The following MAP4 variants were observed in gnomAD, a reference collection of about 807,000 sequenced individuals.
The protein encoded by MAP4 is microtubule associated protein 4.
Under a neutral mutation model 170.2 loss-of-function variants are expected in MAP4, and 76 were observed. The observed-to-expected ratio is 0.45, with a 90% confidence interval of 0.37 to 0.54. The LOEUF (loss-of-function observed/expected upper bound fraction) is 0.54, where lower values mean the gene tolerates loss of function less well. Among genes scored for constraint, MAP4 ranks in the 20% least tolerant of loss-of-function variants. The pLI is 0.00. For synonymous variants in MAP4, 909 were observed against 994.5 expected (o/e 0.91, Z 1.62); for missense variants, 2,506 against 2,748.0 (o/e 0.91, Z 1.97).
At chr3:47,973,301 G>GA in intron 3 of MAP4, 1 of 985,140 alleles carries the variant, frequency 1.0e-6, no homozygotes, top group Non-Finnish European at 1.2e-6. Context: ...GAAGGCATAT[G>GA]AAAATCATCA....
intron 1 of MAP4, among the ~76,000 whole-genome samples, chr3:48,021,923 T>C (rs1025254595): frequency 6.6e-6 from 1 of 152,146 alleles, no homozygotes; most frequent in Non-Finnish European, 1.5e-5. Flanking sequence ...AATGAAAACA[T>C]TGTGGTACCT....
chr3:48,042,090 G>T (rs1215189350), intron 1 of MAP4, among the ~76,000 whole-genome samples: 4 of 152,182 alleles, frequency 2.6e-5, no homozygotes, highest in African/African-American at 4.8e-5. Flanking sequence ...AGCTGCTCTA[G>T]CAAGTTAAGC....
intron 2 of MAP4, among the ~76,000 whole-genome samples, chr3:47,986,011 T>C (rs2100088429): frequency 6.6e-6 from 1 of 152,242 alleles, no homozygotes; most frequent in African/African-American, 2.4e-5. Context: ...GGGAAGGAAC[T>C]ATATGTAAAT....
chr3:48,058,960 A>G (rs1351680223), intron 1 of MAP4, among the ~76,000 whole-genome samples: 1 of 151,904 alleles, frequency 6.6e-6, no homozygotes, highest in East Asian at 1.9e-4. Flanking sequence ...TTGTATTTTT[A>G]GTAGAGATGG....
At chr3:48,044,765 C>T (rs1262235577) in intron 1 of MAP4, among the ~76,000 whole-genome samples, 1 of 150,886 alleles carries the variant, frequency 6.6e-6, no homozygotes, top group Non-Finnish European at 1.5e-5. Context: ...AGTGAGACTC[C>T]ATCTCAAAAA....
At chr3:47,890,320 CCTT>C (rs1319669387) in intron 10 of MAP4, among the ~76,000 whole-genome samples, 1 of 152,156 alleles carries the variant, frequency 6.6e-6, no homozygotes. Context: ...GCAAGTCTCT[CCTT>C]CTCTCCCTGC....
At chr3:48,050,713 C>A (rs1419756696) in intron 1 of MAP4, among the ~76,000 whole-genome samples, 1 of 151,718 alleles carries the variant, frequency 6.6e-6, no homozygotes, top group South Asian at 2.1e-4. Context: ...CGAGACCATC[C>A]TGGCCAACAT....
chr3:48,056,898 C>T (rs1474613011), intron 1 of MAP4, among the ~76,000 whole-genome samples: 45 of 140,036 alleles, frequency 3.2e-4, no homozygotes, highest in African/African-American at 1.2e-3. Flanking sequence ...GTGAGGGGCG[C>T]CTCTGCCCGG....
intron 1 of MAP4, among the ~76,000 whole-genome samples, chr3:48,060,102 CAACA>C (rs1306170189): frequency 5.9e-5 from 9 of 152,138 alleles, no homozygotes; most frequent in Non-Finnish European, 8.8e-5. Flanking sequence ...TAGAACTCTG[CAACA>C]AACAATAAAC....
At chr3:47,954,862 C>T (rs916852931) in intron 3 of MAP4, among the ~76,000 whole-genome samples, 1 of 152,146 alleles carries the variant, frequency 6.6e-6, no homozygotes, top group South Asian at 2.1e-4. Context: ...ATACTTGGAA[C>T]AGACATACTT....
chr3:48,011,260 T>TTG (rs2100105092), intron 1 of MAP4, among the ~76,000 whole-genome samples: 1 of 152,098 alleles, frequency 6.6e-6, no homozygotes, highest in Non-Finnish European at 1.5e-5. Flanking sequence ...GACTTGGTAA[T>TTG]CCCAGCCTGT....
At position 47,850,864 on chromosome 3, in the gene MAP4, C is replaced by CA. The variant is rs1364040507; in HGVS notation, c.*2069dup. ...ACAGGGCCTCTGGTCCCGGCCTTCT[C>CA]AGGTGCTCTGGAGTGGAGGATCCTT... On this transcript the variant is annotated 3_prime_UTR_variant, in exon 21 of 21. Coordinates refer to ENST00000683076, the MANE Select transcript of MAP4 (RefSeq NM_001385682.1). 4.2e-5 allele frequency: 6 copies of CA among 142,450 alleles called. No individual in the cohort carries two copies. The highest frequency in any genetic ancestry group is 1.7e-4 in the African/African-American group (6 of 35,548). The allele number at this position is 142,450 out of a possible 1,614,324, so 8.8% of individuals were successfully genotyped here. A position where few individuals can be genotyped will look rare whatever the true frequency, so the allele number is the denominator to read the frequency against.
At chr3:47,976,070 G>C (rs552183299) in intron 3 of MAP4, among the ~76,000 whole-genome samples, 220 of 152,300 alleles carry the variant, frequency 1.4e-3, no homozygotes, top group Middle Eastern at 3.4e-3. Flanking sequence ...GATTACAGGC[G>C]TGAGCCACCG....
chr3:47,873,557 T>C (rs1261660279), intron 12 of MAP4, among the ~76,000 whole-genome samples: 2 of 152,176 alleles, frequency 1.3e-5, no homozygotes, highest in East Asian at 1.9e-4. Context: ...TCTGCAAATG[T>C]AGGGTAATGA....
At chr3:47,885,596 T>C (rs1254936497) in intron 10 of MAP4, among the ~76,000 whole-genome samples, 1 of 152,172 alleles carries the variant, frequency 6.6e-6, no homozygotes, top group Non-Finnish European at 1.5e-5. Flanking sequence ...GTTTTTGTAA[T>C]GGAGAGCACT....
chr3:47,968,268 T>C (rs2100076327), intron 3 of MAP4, among the ~76,000 whole-genome samples: 1 of 152,136 alleles, frequency 6.6e-6, no homozygotes, highest in African/African-American at 2.4e-5. Flanking sequence ...ACCAACTACA[T>C]CTAATGGACA....
At chr3:48,026,755 A>ACACC in intron 1 of MAP4, among the ~76,000 whole-genome samples, 1 of 152,182 alleles carries the variant, frequency 6.6e-6, no homozygotes, top group South Asian at 2.1e-4. Flanking sequence ...TAAGTGATGA[A>ACACC]CACCCACCTA....
chr3:48,082,840 G>A (rs2100147280), intron 1 of MAP4, among the ~76,000 whole-genome samples: 1 of 150,738 alleles, frequency 6.6e-6, no homozygotes, highest in Non-Finnish European at 1.5e-5. Flanking sequence ...AACGAGTCAT[G>A]TTGATATCAG....
rs569379277 is a variant in MAP4 at position 48,057,646 on chromosome 3, G to GA, written c.-20+31126dup. ...ATAAATAAATAAAAAAGAAAAAAAA[G>GA]AAAAAAAAAAAAAAGTAAGCATGCG... On this transcript the variant is annotated intron_variant, in intron 1 of 18. Transcript: ENST00000360240. 5.1e-3 allele frequency among the ~76,000 whole-genome samples: 675 copies of GA among 131,934 alleles called. 5 individuals are homozygous for GA. Among genetic ancestry groups the GA allele is most frequent in the African/African-American group, 0.015 (540 of 36,646 alleles). The allele number at this position is 131,934 out of a possible 152,430, so 86.6% of individuals were successfully genotyped here.
Sources: gnomAD v4.1 joint callset for allele counts (sites outside exome capture counted in the v4.1 genomes callset) on GRCh38, gnomAD v4.1.1 for gene constraint, MANE v1.5 for transcripts, NCBI Gene and HGNC (gene_info 2026-07-23, HGNC 2026-07-21) for gene names.